The following SUPT3H variants were observed in gnomAD, a reference collection of about 807,000 sequenced individuals.
SUPT3H encodes SPT3 homolog, SAGA and STAGA complex component, also known as transcription initiation protein SPT3 homolog.
A neutral mutation model predicts 44.3 loss-of-function variants in SUPT3H; 44 were observed. The ratio of observed to expected loss-of-function variants is 0.99; its 90% CI spans 0.78 to 1.28. The LOEUF (loss-of-function observed/expected upper bound fraction) is 1.28. Ranked by LOEUF, SUPT3H falls within the 50% of genes most tolerant of loss-of-function variation. The pLI, the probability that SUPT3H is intolerant of heterozygous loss-of-function variation, is 0.00. For synonymous variants in SUPT3H, 124 were observed against 125.6 expected (o/e 0.99, Z 0.09); for missense variants, 380 against 387.1 (o/e 0.98, Z 0.15).
At chr6:45,055,995 T>C (rs2186062) in intron 3 of SUPT3H, among the ~76,000 whole-genome samples, 55,924 of 151,578 alleles carry the variant, frequency 0.37, 10,861 homozygotes, top group Non-Finnish European at 0.43. Context: ...ACAAATAATC[T>C]CATCAAAAAA....
chr6:45,176,610 C>G (rs1431877455), intron 2 of SUPT3H, among the ~76,000 whole-genome samples: 53 of 145,916 alleles, frequency 3.6e-4, no homozygotes, highest in African/African-American at 7.1e-4. Flanking sequence ...GTAGGCTCCA[C>G]CTCTGGGGGC....
At chr6:45,345,050 G>A (rs902503536) in intron 2 of SUPT3H, among the ~76,000 whole-genome samples, 1 of 152,098 alleles carries the variant, frequency 6.6e-6, no homozygotes, top group South Asian at 2.1e-4. Context: ...ACATTAAAAC[G>A]TTCCTCATGG....
At chr6:45,018,875 G>C (rs1784702487) in intron 4 of SUPT3H, among the ~76,000 whole-genome samples, 1 of 151,688 alleles carries the variant, frequency 6.6e-6, no homozygotes, top group African/African-American at 2.4e-5. Flanking sequence ...ATGAGTTAGG[G>C]AGGATTCCCT....
intron 2 of SUPT3H, among the ~76,000 whole-genome samples, chr6:45,351,964 C>T (rs1458372247): frequency 6.6e-6 from 1 of 152,076 alleles, no homozygotes; most frequent in Admixed American, 6.6e-5. Context: ...GCTTTCTGTC[C>T]CTAATTCTAC....
chr6:45,186,015 T>C (rs537519637), intron 2 of SUPT3H, among the ~76,000 whole-genome samples: 3 of 152,240 alleles, frequency 2.0e-5, no homozygotes, highest in African/African-American at 7.2e-5. Context: ...AGGGGACCAA[T>C]GTTAAACTCA....
intron 2 of SUPT3H, among the ~76,000 whole-genome samples, chr6:45,273,862 T>C (rs1450809854): frequency 2.6e-5 from 4 of 152,342 alleles, no homozygotes; most frequent in African/African-American, 9.6e-5. Context: ...GTGGGAAATC[T>C]GTATTCATTT....
At chr6:44,910,920 G>A (rs1766919974) in intron 10 of SUPT3H, among the ~76,000 whole-genome samples, 1 of 147,110 alleles carries the variant, frequency 6.8e-6, no homozygotes, top group South Asian at 2.1e-4. Flanking sequence ...ATTTGAACCT[G>A]GGAGGCAGAG....
intron 2 of SUPT3H, among the ~76,000 whole-genome samples, chr6:45,313,976 G>C (rs777244640): frequency 6.6e-6 from 1 of 152,036 alleles, no homozygotes; most frequent in Admixed American, 6.6e-5. Context: ...AGGGATGCAG[G>C]GATGGTTTAA....
At chr6:45,128,287 A>G (rs1359877354) in intron 2 of SUPT3H, among the ~76,000 whole-genome samples, 1 of 151,536 alleles carries the variant, frequency 6.6e-6, no homozygotes, top group Non-Finnish European at 1.5e-5. Flanking sequence ...CAGGCAGATC[A>G]CGAGGTCAGG....
chr6:45,184,396 G>A (rs1484236400), intron 2 of SUPT3H, among the ~76,000 whole-genome samples: 3 of 152,042 alleles, frequency 2.0e-5, no homozygotes, highest in Non-Finnish European at 2.9e-5. Context: ...ATCACAGCCC[G>A]ATGTCCAAAT....
intron 2 of SUPT3H, among the ~76,000 whole-genome samples, chr6:45,242,855 C>T (rs1326965543): frequency 6.6e-6 from 1 of 152,006 alleles, no homozygotes; most frequent in East Asian, 1.9e-4. Context: ...GAAACAGATG[C>T]AGAAATGGCA....
chr6:45,267,026 A>G (rs1775369445), intron 2 of SUPT3H, among the ~76,000 whole-genome samples: 1 of 152,216 alleles, frequency 6.6e-6, no homozygotes, highest in African/African-American at 2.4e-5. Flanking sequence ...GCCTATAAGT[A>G]TAAGGTATAT....
At chr6:45,225,705 C>T (rs1232199500) in intron 2 of SUPT3H, among the ~76,000 whole-genome samples, 1 of 152,010 alleles carries the variant, frequency 6.6e-6, no homozygotes, top group East Asian at 1.9e-4. Context: ...AACAATAATC[C>T]ACTTTTTAAC....
At chr6:45,315,922 CAGAT>C (rs59633405) in intron 2 of SUPT3H, among the ~76,000 whole-genome samples, 37,231 of 145,286 alleles carry the variant, frequency 0.26, 4,715 homozygotes, top group East Asian at 0.35. Flanking sequence ...CTCAGATAGA[CAGAT>C]AGATAGATAG....
At chr6:45,233,809 C>T (rs1422406225) in intron 2 of SUPT3H, among the ~76,000 whole-genome samples, 1 of 152,166 alleles carries the variant, frequency 6.6e-6, no homozygotes, top group Non-Finnish European at 1.5e-5. Flanking sequence ...TTCCTAACCA[C>T]TATGATAAAG....
chr6:44,915,030 A>G (rs141954976), intron 10 of SUPT3H, among the ~76,000 whole-genome samples: 19 of 152,332 alleles, frequency 1.2e-4, no homozygotes, highest in African/African-American at 4.3e-4. Context: ...CCCTGGGCAC[A>G]TATCTATCTA....
chr6:45,283,056 G>A (rs915460096), intron 2 of SUPT3H, among the ~76,000 whole-genome samples: 3 of 152,100 alleles, frequency 2.0e-5, no homozygotes, highest in Admixed American at 6.6e-5. Context: ...GTCACCACCA[G>A]GCCTGCCCTA....
intron 2 of SUPT3H, among the ~76,000 whole-genome samples, chr6:45,339,138 T>G (rs1344450324): frequency 6.6e-6 from 1 of 152,132 alleles, no homozygotes; most frequent in South Asian, 2.1e-4. Flanking sequence ...GGCTAAGTAA[T>G]CTTATTACTT....
chr6:44,815,735 G>A (rs1296638869), intron 11 of SUPT3H, among the ~76,000 whole-genome samples: 3 of 152,024 alleles, frequency 2.0e-5, no homozygotes, highest in Non-Finnish European at 1.5e-5. Flanking sequence ...ATTAATTGAA[G>A]ACATTAACCC....
Sources: allele counts gnomAD v4.1 joint callset (sites outside exome capture counted in the v4.1 genomes callset), GRCh38; gene constraint gnomAD v4.1.1; transcripts MANE v1.5; gene names NCBI Gene and HGNC (gene_info 2026-07-23, HGNC 2026-07-21).